ADD2: variants seen among roughly 807,000 people sequenced by gnomAD.
ADD2 encodes adducin 2.
ADD2 carries 23 observed loss-of-function variants against 83.0 expected under a neutral mutation model. The observed-to-expected ratio is 0.28, with a 90% CI of 0.20 to 0.39. The LOEUF is 0.39. ADD2 is among the 10% of genes least tolerant of loss of function. The pLI, the probability that ADD2 is intolerant of heterozygous loss-of-function variation, is 1.00. For synonymous variants in ADD2, 375 were observed against 375.4 expected, an observed-to-expected ratio of 1.00 and a Z score of 0.01; for missense variants, 758 against 944.9, an observed-to-expected ratio of 0.80 and a Z score of 2.59.
At chr2:70,670,633 A>G (rs1229925123) in intron 15 of ADD2, among the ~76,000 whole-genome samples, 1 of 152,238 alleles carries the variant, frequency 6.6e-6, no homozygotes, top group East Asian at 1.9e-4. Context: ...GCGACTCAGC[A>G]TAAGAGAATT....
intron 1 of ADD2, among the ~76,000 whole-genome samples, chr2:70,740,414 C>A (rs902921029): frequency 2.6e-4 from 39 of 152,316 alleles, no homozygotes; most frequent in African/African-American, 8.2e-4. Flanking sequence ...AGGTATCCCT[C>A]CTCACTATCC....
rs939733788 is a variant in ADD2, at chr2:70,676,019, A to T, written c.1593+777T>A. The stretch of plus-strand genomic sequence containing the variant: ...TACAACTTTCACACTTCTCCTGCCA[A>T]TGGGCACCCACCCTGTGGGCTGCAG... On this transcript the variant is annotated intron_variant, in intron 13 of 15. Transcript: ENST00000264436. This position sits in a 1 kb window ranked among gnomAD's most constrained non-coding sequence, Gnocchi z 4.8. The T allele has an allele frequency of 1.0e-6, 1 of 985,442 alleles. No homozygotes were observed. The highest frequency in any genetic ancestry group is 1.7e-5 in the African/African-American group (1 of 57,360). 61.0% of individuals were successfully genotyped at this position (985,442 alleles called of 1,614,324 possible).
intron 14 of ADD2, chr2:70,673,282 C>A: frequency 6.2e-7 from 1 of 1,614,120 alleles, no homozygotes; most frequent in East Asian, 2.2e-5. Context: ...CTGAAGAACT[C>A]GCACACGGCC....
chr2:70,678,925 C>T lies in ADD2; in HGVS notation c.1162G>A (p.Val388Ile). The T allele has an allele frequency of 1.2e-6, 2 of 1,613,948 alleles. No homozygotes were observed. The highest frequency in any genetic ancestry group is 1.7e-6 in the Non-Finnish European group (2 of 1,179,944). Residue 388 changes from valine (V) to isoleucine (I), a missense_variant, in exon 11 of 16, where the codon GTT becomes ATT. This residue lies in a region of ADD2 where 394 missense variants were observed against 509.3 expected (regional missense o/e 0.77). Coordinates refer to ENST00000264436, the MANE Select transcript of ADD2 (RefSeq NM_001617.4). Reference protein sequence around the residue: ...RTGYTYRHPFVQEKTKHKSEV... With the variant: ...RTGYTYRHPFIQEKTKHKSEV... ...CTTTTGTGTTTGGTTTTCTCTTGAACAAAGGGGTGGCGATACGTGTAACCT... is the reference window on the plus strand; with the variant it reads ...CTTTTGTGTTTGGTTTTCTCTTGAATAAAGGGGTGGCGATACGTGTAACCT...
chr2:70,688,894 C>T (rs1260431306), intron 8 of ADD2, among the ~76,000 whole-genome samples: 1 of 152,052 alleles, frequency 6.6e-6, no homozygotes, highest in Non-Finnish European at 1.5e-5. Context: ...GTCAGGAGTT[C>T]GAGACCAGCC....
rs782285152 is a variant in ADD2 at position 70,683,755 on chromosome 2, A to C, written c.961T>G (p.Ser321Ala). 4.3e-6 allele frequency: 7 copies of C among 1,611,914 alleles called. No homozygotes were observed. The South Asian group carries it at 6.6e-5, about 15-fold the overall frequency. Reference sequence around the variant, plus strand: ...AGGTTCTCCACTCCCCCGGCACTGGACAGAGCCGACACCTGTAGCAAAGAG... The same window carrying C: ...AGGTTCTCCACTCCCCCGGCACTGGCCAGAGCCGACACCTGTAGCAAAGAG... ...AACEIQVSALSSAGGVENLIL... is the reference protein window; with the variant it reads ...AACEIQVSALASAGGVENLIL... Residue 321 changes from serine (S) to alanine (A), a missense_variant, in exon 10 of 16, where the codon TCC becomes GCC. Ser to Ala is a moderately conservative substitution (Grantham distance 99). Around this residue, in one of 5 missense-constraint regions of ADD2, gnomAD observed 394 missense variants for 509.3 expected, o/e 0.77. Transcript: ENST00000264436.
At position 70,660,592 on chromosome 2, in the gene ADD2, C is replaced by T. The variant is rs1396277818; in HGVS notation, c.*2833G>A. On this transcript the variant is annotated 3_prime_UTR_variant, in exon 16 of 16. Coordinates refer to ENST00000264436, the MANE Select transcript of ADD2 (RefSeq NM_001617.4). ...TTCCATGACAAGTCTAGCTCCTCCA[C>T]ACTTCCTACCAGTTTCCTTAGGATT... The T allele has an allele frequency of 5.9e-5, 9 of 152,328 alleles. No individual in the cohort carries two copies. Among genetic ancestry groups the T allele is most frequent in the African/African-American group, 1.9e-4 (8 of 41,436 alleles). 9.4% of individuals were successfully genotyped at this position (152,328 alleles called of 1,614,324 possible).
intron 7 of ADD2, 80 bp downstream of exon 7, chr2:70,692,323 G>T (rs1671084139): frequency 6.4e-6 from 9 of 1,414,438 alleles, no homozygotes; most frequent in Admixed American, 2.9e-5. Flanking sequence ...GATCTTTCCA[G>T]ACTGTTTTAA....
At chr2:70,697,834 A>G (rs1411298812) in intron 4 of ADD2, among the ~76,000 whole-genome samples, 3 of 152,220 alleles carry the variant, frequency 2.0e-5, no homozygotes, top group African/African-American at 7.2e-5. Flanking sequence ...GCCAACATCC[A>G]GCGAGCAGAG....
chr2:70,739,153 G>A (rs2104493217), intron 1 of ADD2, among the ~76,000 whole-genome samples: 1 of 152,206 alleles, frequency 6.6e-6, no homozygotes, highest in Non-Finnish European at 1.5e-5. Context: ...TGACAAAGGT[G>A]TAATATCCAG....
At chr2:70,667,170 G>A (rs201657593) in intron 15 of ADD2, among the ~76,000 whole-genome samples, 1 of 152,086 alleles carries the variant, frequency 6.6e-6, no homozygotes, top group Non-Finnish European at 1.5e-5. Context: ...TCTCCTGAAT[G>A]GTGGGAACCT....
intron 1 of ADD2, among the ~76,000 whole-genome samples, chr2:70,724,891 C>T (rs557843921): frequency 6.6e-6 from 1 of 152,348 alleles, no homozygotes; most frequent in South Asian, 2.1e-4. Flanking sequence ...TACACCCAAG[C>T]CTCTTTGCAC....
At chr2:70,698,024 T>A (rs1224899940) in intron 4 of ADD2, among the ~76,000 whole-genome samples, 1 of 152,204 alleles carries the variant, frequency 6.6e-6, no homozygotes, top group Non-Finnish European at 1.5e-5. Context: ...TAATTCAAAT[T>A]GACCAGTTTG....
chr2:70,669,082 C>A (rs1017111634), intron 15 of ADD2, among the ~76,000 whole-genome samples: 1 of 152,124 alleles, frequency 6.6e-6, no homozygotes, highest in Non-Finnish European at 1.5e-5. Context: ...AAGGGCTGGG[C>A]ACTCATGCAG....
chr2:70,693,532 G>A (rs1304345442), intron 6 of ADD2, among the ~76,000 whole-genome samples: 2 of 152,160 alleles, frequency 1.3e-5, no homozygotes, highest in African/African-American at 2.4e-5. Context: ...TAATGTGGGC[G>A]GAGGGATGTG....
At chr2:70,760,647 G>GT (rs782300012) in intron 1 of ADD2, 3 of 152,178 alleles carry the variant, frequency 2.0e-5, no homozygotes, top group Non-Finnish European at 4.4e-5. Flanking sequence ...GGGAAGCAGG[G>GT]TGTGGTTCAA....
chr2:70,761,687 T>A (rs1553385007), intron 1 of ADD2, among the ~76,000 whole-genome samples: 1 of 151,178 alleles, frequency 6.6e-6, no homozygotes, highest in African/African-American at 2.4e-5. Flanking sequence ...TTTTTTTTTT[T>A]TTGAGACAGA....
chr2:70,682,437 C>T (rs759466978), intron 10 of ADD2, among the ~76,000 whole-genome samples: 16 of 152,222 alleles, frequency 1.1e-4, no homozygotes, highest in Middle Eastern at 6.8e-3. Flanking sequence ...TAAAGCGGCC[C>T]TCATGGTCAG....
At chr2:70,665,912 T>A (rs1675778622) in intron 15 of ADD2, among the ~76,000 whole-genome samples, 1 of 151,392 alleles carries the variant, frequency 6.6e-6, no homozygotes, top group Admixed American at 6.6e-5. Flanking sequence ...ACCTCCTAGG[T>A]TCAAGCAATT....
Sources: gnomAD v4.1 joint callset for allele counts (sites outside exome capture counted in the v4.1 genomes callset) on GRCh38, gnomAD v4.1.1 for gene constraint, gnomAD v4.1.1 regional missense constraint, Gnocchi (gnomAD v3.1) non-coding constraint, MANE v1.5 for transcripts, NCBI Gene and HGNC (gene_info 2026-07-23, HGNC 2026-07-21) for gene names.